Variants in CRB1 observed in about 807,000 individuals in gnomAD.
CRB1 encodes crumbs cell polarity complex component 1.
A neutral mutation model predicts 120.0 loss-of-function variants in CRB1; 83 were observed. The ratio of observed to expected loss-of-function variants is 0.69; its 90% CI spans 0.58 to 0.83. The LOEUF is 0.83. Ranked by LOEUF, CRB1 falls within the 40% of genes least tolerant of loss-of-function variation. CRB1 has a pLI of 0.00. For missense variants in CRB1, 1,699 were observed against 1,687.6 expected (o/e 1.01, Z -0.12); for synonymous variants, 625 against 612.5 (o/e 1.02, Z -0.30).
At chr1:197,221,957 C>G in the CRB1 span, among the ~76,000 whole-genome samples, 1 of 152,128 alleles carries the variant, frequency 6.6e-6, no homozygotes, top group South Asian at 2.1e-4. Flanking sequence ...TCTTTCCAAC[C>G]AAAATCTTTG....
chr1:197,246,605 T>C, the CRB1 span, among the ~76,000 whole-genome samples: 1 of 152,028 alleles, frequency 6.6e-6, no homozygotes, highest in African/African-American at 2.4e-5. Context: ...GGGAAAAATA[T>C]GTCTACTACA....
At chr1:197,419,141 G>A (rs1266063063) in intron 5 of CRB1, among the ~76,000 whole-genome samples, 2 of 152,086 alleles carry the variant, frequency 1.3e-5, no homozygotes, top group African/African-American at 4.8e-5. Flanking sequence ...ATTCATAGAT[G>A]AGGAAACAAA....
intron 5 of CRB1, 106 bp downstream of exon 5, chr1:197,357,119 C>A: frequency 8.5e-7 from 1 of 1,179,318 alleles, no homozygotes; most frequent in Non-Finnish European, 1.3e-6. Context: ...TGTGTAAACT[C>A]TGCTGCTGTG....
chr1:197,229,949 C>T, the CRB1 span, among the ~76,000 whole-genome samples: 1 of 152,154 alleles, frequency 6.6e-6, no homozygotes, highest in Non-Finnish European at 1.5e-5. Flanking sequence ...TAAGATTCAG[C>T]CATATGTAAT....
At chr1:197,351,624 A>C (rs1660113522) in intron 4 of CRB1, among the ~76,000 whole-genome samples, 2 of 152,142 alleles carry the variant, frequency 1.3e-5, no homozygotes, top group African/African-American at 4.8e-5. Flanking sequence ...TGATCAAAGA[A>C]AATAACACTA....
chr1:197,243,123 C>A, the CRB1 span, among the ~76,000 whole-genome samples: 120 of 151,988 alleles, frequency 7.9e-4, 1 homozygote, highest in Non-Finnish European at 1.0e-3. Context: ...TTAAAAAAAA[C>A]CAGCTCCTGG....
intron 5 of CRB1, among the ~76,000 whole-genome samples, chr1:197,362,851 T>C (rs1660847049): frequency 6.6e-6 from 1 of 152,182 alleles, no homozygotes; most frequent in Non-Finnish European, 1.5e-5. Flanking sequence ...TTCTGCCTTT[T>C]AATTGATGTA....
chr1:197,215,883 A>C, the CRB1 span, among the ~76,000 whole-genome samples: 1 of 152,222 alleles, frequency 6.6e-6, no homozygotes, highest in African/African-American at 2.4e-5. Context: ...TATCAATGAC[A>C]TATGTCAATA....
the CRB1 span, among the ~76,000 whole-genome samples, chr1:197,214,440 A>G: frequency 6.6e-6 from 1 of 152,280 alleles, no homozygotes; most frequent in Middle Eastern, 3.4e-3. Flanking sequence ...AATATTCACA[A>G]GTTCCACAGG....
chr1:197,212,699 A>G, the CRB1 span, among the ~76,000 whole-genome samples: 1 of 152,196 alleles, frequency 6.6e-6, no homozygotes, highest in Non-Finnish European at 1.5e-5. Context: ...GGGTGTACAT[A>G]TGTCATAACT....
At chr1:197,232,689 G>T in the CRB1 span, among the ~76,000 whole-genome samples, 2 of 152,080 alleles carry the variant, frequency 1.3e-5, no homozygotes, top group Non-Finnish European at 2.9e-5. Flanking sequence ...TGAAGGAGAG[G>T]CCAGGTCTCT....
chr1:197,427,822 G>C lies in CRB1; in HGVS notation c.2497G>C (p.Gly833Arg), dbSNP rs1664671663. ...KIEKGDVIYI[G>R]GLPDKQETEL... is the part of the protein sequence containing the mutation. ...CGAAAAGGGAGATGTCATCTACATT[G>C]GTGGCCTACCTGACAAGCAAGAGAC... The change falls in exon 7 of 12, where the codon GGT (glycine) becomes CGT (arginine). Residue 833 changes from glycine (G) to arginine (R), a missense_variant. Physicochemically the swap from Gly to Arg is moderately radical, Grantham distance 125 (BLOSUM62 -2). Coordinates refer to ENST00000367400, the MANE Select transcript of CRB1 (RefSeq NM_201253.3). The C allele has an allele frequency of 6.2e-7, 1 of 1,613,996 alleles. No individual in the cohort carries two copies. The highest frequency in any genetic ancestry group is 8.5e-7 in the Non-Finnish European group (1 of 1,179,984).
intron 6 of CRB1, 33 bp from the exon 7 acceptor site, chr1:197,427,421 T>C (rs777944155): frequency 1.1e-5 from 18 of 1,606,040 alleles, no homozygotes; most frequent in East Asian, 6.7e-5. Flanking sequence ...TGTTTCTTTT[T>C]TTTTCTCCTC....
At chr1:197,312,364 G>C (rs1657581703) in intron 1 of CRB1, among the ~76,000 whole-genome samples, 1 of 152,260 alleles carries the variant, frequency 6.6e-6, no homozygotes, top group African/African-American at 2.4e-5. Flanking sequence ...AGGAGTTAGA[G>C]ATAAGCCTGG....
At chr1:197,341,714 T>G (rs968195569) in intron 2 of CRB1, among the ~76,000 whole-genome samples, 1 of 152,148 alleles carries the variant, frequency 6.6e-6, no homozygotes, top group South Asian at 2.1e-4. Context: ...CAAACATTTT[T>G]TTTCCCAATG....
At chr1:197,446,945 GAT>G (rs1665729922) in intron 11 of CRB1, among the ~76,000 whole-genome samples, 1 of 152,048 alleles carries the variant, frequency 6.6e-6, no homozygotes, top group South Asian at 2.1e-4. Flanking sequence ...ATATATTTGG[GAT>G]ATATATTATA....
At chr1:197,425,270 G>A (rs756228141) in intron 6 of CRB1, among the ~76,000 whole-genome samples, 2 of 152,098 alleles carry the variant, frequency 1.3e-5, no homozygotes, top group African/African-American at 2.4e-5. Context: ...GAAAGCTACC[G>A]GTAGTTGCCT....
chr1:197,430,832 ATAT>A (rs1664836806), intron 8 of CRB1, among the ~76,000 whole-genome samples: 1 of 152,144 alleles, frequency 6.6e-6, no homozygotes, highest in Non-Finnish European at 1.5e-5. Flanking sequence ...AAATAAATTG[ATAT>A]TATTTTCTTC....
intron 2 of CRB1, among the ~76,000 whole-genome samples, chr1:197,342,902 T>G (rs1055261673): frequency 6.6e-5 from 10 of 152,200 alleles, no homozygotes; most frequent in Admixed American, 2.6e-4. Context: ...CACTCTTCCA[T>G]GACCTTAGTT....
Sources: gnomAD v4.1 joint callset for allele counts (sites outside exome capture counted in the v4.1 genomes callset) on GRCh38, gnomAD v4.1.1 for gene constraint, MANE v1.5 for transcripts, NCBI Gene and HGNC (gene_info 2026-07-23, HGNC 2026-07-21) for gene names.